The following APBB2 variants were observed in gnomAD, a reference collection of about 807,000 sequenced individuals.
The protein encoded by APBB2 is Fe65-like 1.
In APBB2, 38 loss-of-function variants were observed where a neutral mutation model predicts 82.5. That is an observed-to-expected ratio of 0.46 (90% CI 0.36 to 0.60). The LOEUF is 0.60. Ranked by LOEUF, APBB2 falls within the 20% of genes least tolerant of loss-of-function variation. The probability of loss-of-function intolerance (pLI) is 0.00; values close to 1 mark genes in which losing one functional copy is unlikely to be tolerated. For synonymous variants in APBB2, 341 were observed against 368.2 expected (o/e 0.93, Z 0.85); for missense variants, 772 against 972.3 (o/e 0.79, Z 2.74).
chr4:41,032,401 T>C (rs1389679059), intron 5 of APBB2, among the ~76,000 whole-genome samples: 2 of 152,070 alleles, frequency 1.3e-5, no homozygotes, highest in Admixed American at 6.6e-5. Flanking sequence ...CTAGCATCTA[T>C]CATGAGACCA....
chr4:41,052,470 A>G (rs762776655), intron 4 of APBB2, among the ~76,000 whole-genome samples: 2 of 152,186 alleles, frequency 1.3e-5, no homozygotes, highest in African/African-American at 4.8e-5. Flanking sequence ...ATGCCGTGTC[A>G]TATCAGTGTC....
intron 10 of APBB2, among the ~76,000 whole-genome samples, chr4:40,933,696 G>A (rs1429590672): frequency 2.0e-5 from 3 of 152,188 alleles, no homozygotes; most frequent in South Asian, 4.1e-4. Flanking sequence ...CTGAGATGCC[G>A]GGGGGCCAGA....
chr4:40,967,538 G>A (rs1794967982), intron 6 of APBB2, among the ~76,000 whole-genome samples: 1 of 152,158 alleles, frequency 6.6e-6, no homozygotes, highest in Admixed American at 6.5e-5. Context: ...AGTATGCCTG[G>A]TCCAGCCACA....
chr4:40,947,419 ACATT>A (rs1328368076), intron 6 of APBB2, among the ~76,000 whole-genome samples: 6 of 152,244 alleles, frequency 3.9e-5, no homozygotes, highest in Non-Finnish European at 7.3e-5. Flanking sequence ...ATAGCTACAT[ACATT>A]ATCAAAATAT....
At chr4:41,161,561 G>A (rs1381447467) in intron 1 of APBB2, among the ~76,000 whole-genome samples, 1 of 152,162 alleles carries the variant, frequency 6.6e-6, no homozygotes, top group African/African-American at 2.4e-5. Flanking sequence ...AGCTAAAATT[G>A]TGCCACCGCC....
chr4:41,196,353 C>A, intron 1 of APBB2, among the ~76,000 whole-genome samples: 6 of 152,198 alleles, frequency 3.9e-5, no homozygotes, highest in Non-Finnish European at 5.9e-5. Flanking sequence ...ACTTACTATA[C>A]CCCTAGCACC....
intron 10 of APBB2, among the ~76,000 whole-genome samples, chr4:40,894,147 G>C (rs537132456): frequency 6.6e-6 from 1 of 152,178 alleles, no homozygotes; most frequent in Non-Finnish European, 1.5e-5. Flanking sequence ...AATTAGCCAG[G>C]CGTGGTGGTG....
At chr4:41,185,584 GA>G (rs1772685208) in intron 1 of APBB2, among the ~76,000 whole-genome samples, 1 of 151,952 alleles carries the variant, frequency 6.6e-6, no homozygotes. Context: ...CTTCTTTATT[GA>G]CTATGTCAAA....
intron 2 of APBB2, among the ~76,000 whole-genome samples, chr4:41,135,481 A>T (rs1317823706): frequency 1.3e-5 from 2 of 152,230 alleles, no homozygotes; most frequent in Non-Finnish European, 2.9e-5. Context: ...ATAGATAATA[A>T]TCAATTTGGA....
intron 4 of APBB2, among the ~76,000 whole-genome samples, chr4:41,044,195 C>T (rs1230764144): frequency 6.6e-6 from 1 of 152,164 alleles, no homozygotes; most frequent in Non-Finnish European, 1.5e-5. Flanking sequence ...ACTTGGTTTT[C>T]CAGTGGTACA....
rs576905482 is a variant in APBB2, at chr4:41,101,308, C to A, written c.-260-558G>T. Among the ~76,000 whole-genome samples the A allele has an allele frequency of 4.3e-3, 636 of 149,032 alleles. 5 individuals are homozygous for A. Among genetic ancestry groups the A allele is most frequent in the African/African-American group, 0.015 (592 of 40,422 alleles). On this transcript the variant is annotated intron_variant, in intron 2 of 17. Coordinates refer to ENST00000508593, the MANE Select transcript of APBB2 (RefSeq NM_004307.2). ...TGAAACCCCGTCTCTACTAAAAATA[C>A]AAAAAATTAGCCGGGCGCGGTGGCG...
chr4:41,081,601 T>A (rs1011217395), intron 3 of APBB2, among the ~76,000 whole-genome samples: 63 of 152,226 alleles, frequency 4.1e-4, no homozygotes, highest in African/African-American at 1.5e-3. Context: ...TTATATAAAA[T>A]TTTTTTTCCA....
intron 10 of APBB2, among the ~76,000 whole-genome samples, chr4:40,924,054 G>T (rs1782000901): frequency 6.6e-6 from 1 of 152,244 alleles, no homozygotes; most frequent in South Asian, 2.1e-4. Flanking sequence ...CAAGGGTCAG[G>T]GAGCCTGGCT....
At chr4:40,977,667 T>G (rs1301024429) in intron 6 of APBB2, among the ~76,000 whole-genome samples, 1 of 152,138 alleles carries the variant, frequency 6.6e-6, no homozygotes, top group East Asian at 1.9e-4. Flanking sequence ...CGTCTATATA[T>G]ATTAATATTT....
At chr4:41,170,693 C>T (rs1400155957) in intron 1 of APBB2, among the ~76,000 whole-genome samples, 1 of 152,006 alleles carries the variant, frequency 6.6e-6, no homozygotes, top group Non-Finnish European at 1.5e-5. Context: ...TTAATGGGAC[C>T]TTAACTGGCA....
At chr4:41,074,034 G>A (rs1734774537) in intron 3 of APBB2, among the ~76,000 whole-genome samples, 2 of 152,188 alleles carry the variant, frequency 1.3e-5, no homozygotes, top group East Asian at 1.9e-4. Context: ...GCTGAGGCAG[G>A]AGGATTGCTT....
intron 6 of APBB2, among the ~76,000 whole-genome samples, chr4:41,001,741 G>A (rs1398503551): frequency 6.6e-6 from 1 of 152,144 alleles, no homozygotes; most frequent in Non-Finnish European, 1.5e-5. Flanking sequence ...AGCCGGGCAT[G>A]GTGGTATGTG....
chr4:40,907,379 A>ATATTTTT (rs1491382228), intron 10 of APBB2, among the ~76,000 whole-genome samples: 44 of 37,364 alleles, frequency 1.2e-3, no homozygotes, highest in African/African-American at 4.9e-3. Flanking sequence ...ATATATATAT[A>ATATTTTT]TTTTTTTTTT....
intron 1 of APBB2, among the ~76,000 whole-genome samples, chr4:41,173,843 T>A (rs543669538): frequency 1.3e-5 from 2 of 152,274 alleles, no homozygotes; most frequent in South Asian, 4.1e-4. Context: ...GCCTAACATG[T>A]TTCTCAGAAG....
Sources: gnomAD v4.1 joint callset for allele counts (sites outside exome capture counted in the v4.1 genomes callset) on GRCh38, gnomAD v4.1.1 for gene constraint, MANE v1.5 for transcripts, NCBI Gene and HGNC (gene_info 2026-07-23, HGNC 2026-07-21) for gene names.